POLH: variants seen among roughly 807,000 people sequenced by gnomAD.
The protein encoded by POLH is DNA polymerase eta transcript.
POLH carries 53 observed loss-of-function variants against 73.6 expected under a neutral mutation model. The ratio of observed to expected loss-of-function variants is 0.72; its 90% CI spans 0.58 to 0.91. POLH has a LOEUF of 0.91. POLH is among the 40% of genes least tolerant of loss of function. The pLI, the probability that POLH is intolerant of heterozygous loss-of-function variation, is 0.00. For missense variants in POLH, 768 were observed against 865.4 expected (o/e 0.89, Z 1.41); for synonymous variants, 292 against 308.5 (o/e 0.95, Z 0.56).
intron 6 of POLH, among the ~76,000 whole-genome samples, chr6:43,601,348 C>T (rs1181604929): frequency 6.6e-6 from 1 of 152,148 alleles, no homozygotes; most frequent in Non-Finnish European, 1.5e-5. Flanking sequence ...TCCCTGCAAC[C>T]TCCACCTCCC....
rs528912073 is a variant in POLH at position 43,597,585 on chromosome 6, G to T, written c.491-111G>T. 1.6e-4 allele frequency: 165 copies of T among 1,048,998 alleles called. No individual in the cohort carries two copies. In the Middle Eastern group the frequency reaches 3.8e-3, roughly 24 times the overall value. The allele number at this position is 1,048,998 out of a possible 1,614,324, so 65.0% of individuals were successfully genotyped here. The stretch of plus-strand genomic sequence containing the variant: ...CTTCTAAGCTGGCTGCCATTTTTTT[G>T]TGAAAACTTATATGTCTAAATACCT... On this transcript the variant is annotated intron_variant, in intron 4 of 10. Transcript: ENST00000372236.
At position 43,610,670 on chromosome 6, in the gene POLH, T is replaced by C; in HGVS notation, c.1191T>C (p.His397=). The C allele has an allele frequency of 6.2e-7, 1 of 1,613,556 alleles. No homozygotes were observed. The highest frequency in any genetic ancestry group is 8.5e-7 in the Non-Finnish European group (1 of 1,179,842). The part of the protein sequence containing the change: ...LTRYDAHKMS[H]DAFTVIKNCN... ...GCTATGATGCTCACAAGATGAGCCATGATGCATTTACTGTCATCAAGAACT... is the reference window on the plus strand; with the variant it reads ...GCTATGATGCTCACAAGATGAGCCACGATGCATTTACTGTCATCAAGAACT... The change falls in exon 10 of 11, where the codon CAT becomes CAC. Residue 397 remains histidine, a synonymous_variant. Transcript: ENST00000372236.
Position 43,613,743 on chromosome 6 carries a change from T to G in POLH, c.1328T>G (p.Phe443Cys). The G allele has an allele frequency of 6.2e-7, 1 of 1,613,636 alleles. No homozygotes were observed. The highest frequency in any genetic ancestry group is 8.5e-7 in the Non-Finnish European group (1 of 1,179,916). Residue 443 changes from phenylalanine to cysteine, a missense_variant, in exon 11 of 11, where the codon TTC becomes TGC. Transcript: ENST00000372236. ...TCATCTTCTACAGACATCACCAGCT[T>G]CTTGAGCAGTGACCCAAGTTCTCTG... The part of the protein sequence containing the change: ...APSSSTDITS[F>C]LSSDPSSLPK...
intron 4 of POLH, chr6:43,591,040 C>A (rs1323534626): frequency 1.3e-5 from 2 of 151,678 alleles, no homozygotes; most frequent in Non-Finnish European, 2.9e-5. Context: ...AGTAAAACTG[C>A]CCAGGGAAGC....
chr6:43,610,718 A>G lies in POLH; in HGVS notation c.1239A>G (p.Thr413=), dbSNP rs972381016. 5.0e-6 allele frequency: 8 copies of G among 1,610,792 alleles called. No individual in the cohort carries two copies. Among genetic ancestry groups the G allele is most frequent in the Admixed American group, 3.3e-5 (2 of 59,970 alleles). Residue 413 remains threonine (T), a synonymous_variant, in exon 10 of 11, where the codon ACA becomes ACG. Transcript: ENST00000372236. ...ACTGTAATACTTCTGGAATCCAGAC[A>G]GAATGGTGAGTTCTTTTCTAGCTCA... is the stretch of plus-strand genomic sequence containing the variant. ...IKNCNTSGIQ[T]EWSPPLTMLF... is the part of the protein sequence containing the mutation.
intron 3 of POLH, 83 bp downstream of exon 3, chr6:43,583,224 G>A: frequency 7.7e-7 from 1 of 1,299,756 alleles, no homozygotes; most frequent in South Asian, 1.2e-5. Flanking sequence ...TTTTGAATTT[G>A]TTCCATGTAA....
chr6:43,617,061 G>A lies in POLH; in HGVS notation c.*2504G>A, dbSNP rs969934684. On this transcript the variant is annotated 3_prime_UTR_variant, in exon 11 of 11. Transcript: ENST00000372236. ...AAAAATTAGCCGGGCATGGTGGTGG[G>A]TGCGTGTAATCCCAGCTAGTTGGGA... Among the ~76,000 whole-genome samples the A allele has an allele frequency of 2.6e-5, 4 of 152,256 alleles. No homozygotes were observed. Among genetic ancestry groups the A allele is most frequent in the Admixed American group, 1.3e-4 (2 of 15,298 alleles).
chr6:43,579,158 T>A (rs1288682267), intron 1 of POLH, among the ~76,000 whole-genome samples: 9 of 152,202 alleles, frequency 5.9e-5, no homozygotes, highest in Non-Finnish European at 1.2e-4. Context: ...GAAAACAGAA[T>A]CTCTCTCTGG....
In POLH at chr6:43,614,166, TAGA is replaced by T; in HGVS notation, c.1756_1758del (p.Glu586del). On this transcript the variant is annotated inframe_deletion, in exon 11 of 11. Coordinates refer to ENST00000372236, the MANE Select transcript of POLH (RefSeq NM_006502.3). ...CCTGTTTGTGAAGGGGTGTCGAAGC[TAGA>T]AGAATCCTCTAAAGCAACTCCTGCA... 1.2e-6 allele frequency: 2 copies of T among 1,614,216 alleles called. No homozygotes were observed. The highest frequency in any genetic ancestry group is 2.2e-5 in the South Asian group (2 of 91,078).
At chr6:43,582,565 T>C in intron 2 of POLH, 109 bp downstream of exon 2, 2 of 1,130,558 alleles carry the variant, frequency 1.8e-6, no homozygotes, top group Non-Finnish European at 2.7e-6. Context: ...CCTTTCTCTG[T>C]TGTCCCATCC....
At position 43,614,230 on chromosome 6, in the gene POLH, C is replaced by T. The variant is rs200935676; in HGVS notation, c.1815C>T (p.His605=). Residue 605 remains histidine, a synonymous_variant, in exon 11 of 11, where the codon CAC becomes CAT. Coordinates refer to ENST00000372236, the MANE Select transcript of POLH (RefSeq NM_006502.3). ...MDLAHNSQSM[H]ASSASKSVLE... ...TGGCCCACAACAGCCAAAGCATGCA[C>T]GCCTCTTCAGCTTCCAAATCTGTGC... The T allele has an allele frequency of 4.5e-5, 73 of 1,609,764 alleles. No individual in the cohort carries two copies. Among genetic ancestry groups the T allele is most frequent in the South Asian group, 2.1e-4 (19 of 90,910 alleles).
At chr6:43,604,042 C>T (rs766442553) in intron 7 of POLH, 31 bp downstream of exon 7, 26 of 1,574,956 alleles carry the variant, frequency 1.7e-5, no homozygotes, top group Non-Finnish European at 2.1e-5. Flanking sequence ...AAAATCATAA[C>T]CTTTATGGAG....
rs745778317 is a variant in POLH at position 43,601,052 on chromosome 6, C to G, written c.725C>G (p.Ser242Ter). 6.2e-7 allele frequency: 1 copy of G among 1,613,974 alleles called. No individual in the cohort carries two copies. The highest frequency in any genetic ancestry group is 2.2e-5 in the East Asian group (1 of 44,886). The change falls in exon 6 of 11, where the codon TCA (serine) becomes TGA (stop). Residue 242 changes from serine to a stop codon, truncating the protein, a stop_gained. Transcript: ENST00000372236. LOFTEE classifies it high-confidence loss of function. ...PNRQTLVSHG[S>*]VPQLFSQMPI... ...CGCCAAACCCTGGTTTCACATGGGT[C>G]AGTCCCACAGCTCTTCAGCCAAATG...
chr6:43,582,343 G>T lies in POLH; in HGVS notation c.24G>T (p.Val8=), dbSNP rs757358672. ...AAATGGCTACTGGACAGGATCGAGT[G>T]GTTGCTCTCGTGGACATGGACTGTT... is the stretch of plus-strand genomic sequence containing the variant. MATGQDR[V]VALVDMDCFF... is the part of the protein sequence containing the mutation. Residue 8 remains valine (V), a synonymous_variant, in exon 2 of 11, where the codon GTG becomes GTT. Transcript: ENST00000372236. 15 of 1,614,148 alleles carry T rather than the reference G, an allele frequency of 9.3e-6. No individual in the cohort carries two copies. The highest frequency in any genetic ancestry group is 1.3e-5 in the Non-Finnish European group (15 of 1,179,992).
chr6:43,576,741 A>T (rs1763387468), intron 1 of POLH, among the ~76,000 whole-genome samples: 1 of 152,246 alleles, frequency 6.6e-6, no homozygotes, highest in African/African-American at 2.4e-5. Flanking sequence ...GAATAATTGC[A>T]ATCAGTGAAG....
intron 3 of POLH, among the ~76,000 whole-genome samples, chr6:43,587,037 A>G (rs965771854): frequency 6.6e-6 from 1 of 152,094 alleles, no homozygotes; most frequent in African/African-American, 2.4e-5. Flanking sequence ...CTGCCTTGGT[A>G]GTTCTGGCAT....
chr6:43,596,464 C>CA (rs1228141892), intron 4 of POLH, among the ~76,000 whole-genome samples: 1 of 151,474 alleles, frequency 6.6e-6, no homozygotes, highest in Non-Finnish European at 1.5e-5. Context: ...GCCTGGGTGA[C>CA]AGAGTGAGAC....
At chr6:43,590,032 T>C (rs1433038980) in intron 4 of POLH, among the ~76,000 whole-genome samples, 4 of 152,116 alleles carry the variant, frequency 2.6e-5, no homozygotes, top group Non-Finnish European at 5.9e-5. Flanking sequence ...TAATTTTTTT[T>C]TCTTAGATTT....
Position 43,618,704 on chromosome 6 carries a change from C to T in POLH, c.*4147C>T, listed in dbSNP as rs1768509394. ...GGAATGCAATGGCACGATCTCGGCT[C>T]ACTGCAACCTCCGCCTCCCGGGTTC... On this transcript the variant is annotated 3_prime_UTR_variant, in exon 11 of 11. Transcript: ENST00000372236. 6.6e-6 allele frequency among the ~76,000 whole-genome samples: 1 copy of T among 152,164 alleles called. No homozygotes were observed. The highest frequency in any genetic ancestry group is 1.5e-5 in the Non-Finnish European group (1 of 68,034).
Sources: gnomAD v4.1 joint callset for allele counts (sites outside exome capture counted in the v4.1 genomes callset) on GRCh38, gnomAD v4.1.1 for gene constraint, MANE v1.5 for transcripts, NCBI Gene and HGNC (gene_info 2026-07-23, HGNC 2026-07-21) for gene names.